The following KAT2B variants were observed in gnomAD, a reference collection of about 807,000 sequenced individuals.
KAT2B encodes histone acetyltransferase KAT2B.
KAT2B carries 36 observed loss-of-function variants against 105.9 expected under a neutral mutation model. That is an observed-to-expected ratio of 0.34 (90% CI 0.26 to 0.45). KAT2B has a LOEUF of 0.45. KAT2B is among the 20% of genes least tolerant of loss of function. KAT2B has a pLI of 1.00. For missense variants in KAT2B, 820 were observed against 1,021.6 expected, an observed-to-expected ratio of 0.80 and a Z score of 2.69; for synonymous variants, 397 against 377.9, an observed-to-expected ratio of 1.05 and a Z score of -0.59.
intron 17 of KAT2B, among the ~76,000 whole-genome samples, chr3:20,150,007 A>T (rs1213073854): frequency 2.0e-5 from 3 of 152,158 alleles, no homozygotes; most frequent in African/African-American, 7.2e-5. Context: ...GGTCTAGCAG[A>T]TCTCGTCGAT....
intron 2 of KAT2B, among the ~76,000 whole-genome samples, chr3:20,087,423 T>G (rs911232994): frequency 6.6e-6 from 1 of 152,192 alleles, no homozygotes; most frequent in African/African-American, 2.4e-5. Context: ...GTGTATAATG[T>G]GATATTTTGA....
At chr3:20,115,909 A>C (rs1185453671) in intron 7 of KAT2B, among the ~76,000 whole-genome samples, 1 of 152,170 alleles carries the variant, frequency 6.6e-6, no homozygotes, top group Non-Finnish European at 1.5e-5. Flanking sequence ...ATTCAGCATA[A>C]TGCATTTGAG....
chr3:20,151,100 T>A (rs781203335), intron 17 of KAT2B, among the ~76,000 whole-genome samples: 13 of 152,338 alleles, frequency 8.5e-5, no homozygotes, highest in Middle Eastern at 3.4e-3. Flanking sequence ...TTGATGAGTC[T>A]TTGTGTTTCT....
chr3:20,055,087 A>G (rs1315450166), intron 1 of KAT2B, among the ~76,000 whole-genome samples: 1 of 152,026 alleles, frequency 6.6e-6, no homozygotes, highest in East Asian at 1.9e-4. Flanking sequence ...GAGGGAACAG[A>G]GTAAAACCAA....
At position 20,111,803 on chromosome 3, in the gene KAT2B, T is replaced by C. The variant is rs2125166315; in HGVS notation, c.1043+16T>C. On this transcript the variant is annotated intron_variant, in intron 6 of 17. Coordinates refer to ENST00000263754, the MANE Select transcript of KAT2B (RefSeq NM_003884.5). ...ATTTCCCAAAGTAAGGGAGAGTTTT[T>C]GCTGGTCTTTGTTTGATCCCAGAGC... 6.2e-7 allele frequency: 1 copy of C among 1,602,402 alleles called. No individual in the cohort carries two copies. Among genetic ancestry groups the C allele is most frequent in the East Asian group, 2.2e-5 (1 of 44,646 alleles).
At chr3:20,070,601 G>A (rs953947207) in intron 1 of KAT2B, among the ~76,000 whole-genome samples, 4 of 151,478 alleles carry the variant, frequency 2.6e-5, no homozygotes, top group African/African-American at 9.7e-5. Context: ...ACCGTGCCCG[G>A]CCTCTCTTTT....
Position 20,146,345 on chromosome 3 carries a change from G to C in KAT2B, c.2034G>C (p.Gln678His). 1 of 1,611,304 alleles carries C rather than the reference G, an allele frequency of 6.2e-7. No individual in the cohort carries two copies. The highest frequency in any genetic ancestry group is 8.5e-7 in the Non-Finnish European group (1 of 1,177,702). ...TTAAAAAACTGATTGAAAGAAAACAGGCACAAATTCGAAAAGTTTACCCTG... is the reference window on the plus strand; with the variant it reads ...TTAAAAAACTGATTGAAAGAAAACACGCACAAATTCGAAAAGTTTACCCTG... ...EIIKKLIERK[Q>H]AQIRKVYPGL... The change falls in exon 14 of 18, where the codon CAG becomes CAC. Residue 678 changes from glutamine to histidine, a missense_variant. This residue lies in a region of KAT2B where 227 missense variants were observed against 292.9 expected (regional missense o/e 0.77). Transcript: ENST00000263754.
At chr3:20,069,899 C>T (rs1698289149) in intron 1 of KAT2B, among the ~76,000 whole-genome samples, 1 of 152,142 alleles carries the variant, frequency 6.6e-6, no homozygotes, top group Admixed American at 6.6e-5. Context: ...CCATATTCTC[C>T]TATTCACTGT....
chr3:20,148,601 A>G lies in KAT2B; in HGVS notation c.2305+114A>G, dbSNP rs184565773. 5.2e-6 allele frequency: 4 copies of G among 772,458 alleles called. No homozygotes were observed. The African/African-American group carries it at 5.3e-5, about 10-fold the overall frequency. The allele number at this position is 772,458 out of a possible 1,614,324, so 47.9% of individuals were successfully genotyped here. A position where few individuals can be genotyped will look rare whatever the true frequency, so the allele number is the denominator to read the frequency against. ...CTCTGCTTAGGGTAGGAAGTGTATG[A>G]CGGGTGGTGGGATTCCATGCACCGT... On this transcript the variant is annotated intron_variant, in intron 17 of 17. Coordinates refer to ENST00000263754, the MANE Select transcript of KAT2B (RefSeq NM_003884.5).
intron 1 of KAT2B, among the ~76,000 whole-genome samples, chr3:20,045,164 A>G (rs1468601321): frequency 6.6e-6 from 1 of 151,862 alleles, no homozygotes; most frequent in Non-Finnish European, 1.5e-5. Context: ...ACAGGCATGC[A>G]CCACCATACT....
intron 1 of KAT2B, among the ~76,000 whole-genome samples, chr3:20,051,868 T>G (rs1236924320): frequency 2.6e-5 from 4 of 152,280 alleles, no homozygotes; most frequent in Non-Finnish European, 5.9e-5. Context: ...ACTTAAAGAT[T>G]GTGTGTTTGC....
chr3:20,140,314 C>G lies in KAT2B; in HGVS notation c.1954C>G (p.Pro652Ala). ...CACTTTAATGGGATGTGAGCTAAATCCACGGATCCCGTACACAGAATTTTC... is the reference window on the plus strand; with the variant it reads ...CACTTTAATGGGATGTGAGCTAAATGCACGGATCCCGTACACAGAATTTTC... ...GATLMGCELNPRIPYTEFSVI... is the reference protein window; with the variant it reads ...GATLMGCELNARIPYTEFSVI... The change falls in exon 13 of 18, where the codon CCA (proline) becomes GCA (alanine). Residue 652 changes from proline to alanine, a missense_variant. This residue lies in a region of KAT2B where 227 missense variants were observed against 292.9 expected (regional missense o/e 0.77). Coordinates refer to ENST00000263754, the MANE Select transcript of KAT2B (RefSeq NM_003884.5). The G allele has an allele frequency of 2.5e-6, 4 of 1,613,722 alleles. No homozygotes were observed. Among genetic ancestry groups the G allele is most frequent in the Non-Finnish European group, 3.4e-6 (4 of 1,179,692 alleles).
chr3:20,041,638 G>T (rs1697721190), intron 1 of KAT2B, among the ~76,000 whole-genome samples: 1 of 152,168 alleles, frequency 6.6e-6, no homozygotes, highest in South Asian at 2.1e-4. Flanking sequence ...CTGGCCCTGC[G>T]CTGTCAGCAG....
chr3:20,040,865 G>T, intron 1 of KAT2B, 85 bp downstream of exon 1: 3 of 1,378,088 alleles, frequency 2.2e-6, no homozygotes, highest in Non-Finnish European at 2.8e-6. Context: ...TTCCACCTCC[G>T]CCTCCCGCCT....
chr3:20,080,747 T>A (rs1322655733), intron 2 of KAT2B, among the ~76,000 whole-genome samples: 1 of 152,220 alleles, frequency 6.6e-6, no homozygotes, highest in African/African-American at 2.4e-5. Context: ...TGAATTGTGC[T>A]GTAAGCGTGA....
Position 20,101,320 on chromosome 3 carries a change from C to T in KAT2B, c.703C>T (p.His235Tyr). ...TAACTTTGTGCAGTACAAATTTAGT[C>T]ACCTGCCAGCAAAAGAAAGGCAAAC... ...VNNFVQYKFS[H>Y]LPAKERQTIV... Residue 235 changes from histidine (H) to tyrosine (Y), a missense_variant, in exon 5 of 18, where the codon CAC becomes TAC. By Grantham distance (83) the His-to-Tyr change is moderately conservative. Around this residue, in one of 6 missense-constraint regions of KAT2B, gnomAD observed 173 missense variants for 249.5 expected, o/e 0.69. Transcript: ENST00000263754. 1 of 1,614,040 alleles carries T rather than the reference C, an allele frequency of 6.2e-7. No individual in the cohort carries two copies. The highest frequency in any genetic ancestry group is 8.5e-7 in the Non-Finnish European group (1 of 1,179,982).
At chr3:20,119,371 T>G (rs1013444366) in intron 7 of KAT2B, among the ~76,000 whole-genome samples, 1 of 152,132 alleles carries the variant, frequency 6.6e-6, no homozygotes, top group African/African-American at 2.4e-5. Context: ...AATTTATTTA[T>G]GTATTCATTT....
At chr3:20,063,518 A>C in intron 1 of KAT2B, among the ~76,000 whole-genome samples, 1 of 137,968 alleles carries the variant, frequency 7.2e-6, no homozygotes, top group African/African-American at 2.7e-5. Context: ...CCTCACAGCA[A>C]CTTCTGAGTA....
intron 5 of KAT2B, among the ~76,000 whole-genome samples, chr3:20,103,362 A>G (rs1698943002): frequency 6.6e-6 from 1 of 152,186 alleles, no homozygotes; most frequent in Non-Finnish European, 1.5e-5. Context: ...AAAAAGGAGA[A>G]TTAATTGTGA....
Sources: allele counts gnomAD v4.1 joint callset (sites outside exome capture counted in the v4.1 genomes callset), GRCh38; gene constraint gnomAD v4.1.1; regional missense constraint gnomAD v4.1.1; transcripts MANE v1.5; gene names NCBI Gene and HGNC (gene_info 2026-07-23, HGNC 2026-07-21).